The following DNASE1L1 variants were observed in gnomAD, a reference collection of about 807,000 sequenced individuals.
DNASE1L1 encodes deoxyribonuclease 1 like 1.
Under a neutral mutation model 18.6 loss-of-function variants are expected in DNASE1L1, and 8 were observed. The ratio of observed to expected loss-of-function variants is 0.43; its 90% CI spans 0.25 to 0.78. The LOEUF (loss-of-function observed/expected upper bound fraction) is 0.78, where lower values mean the gene tolerates loss of function less well. DNASE1L1 is among the 30% of genes least tolerant of loss of function. The probability of loss-of-function intolerance (pLI) is 0.23; values close to 1 mark genes in which losing one functional copy is unlikely to be tolerated. For synonymous variants in DNASE1L1, 114 were observed against 114.2 expected, an observed-to-expected ratio of 1.00 and a Z score of 0.01; for missense variants, 214 against 258.2, an observed-to-expected ratio of 0.83 and a Z score of 1.17.
chrX:154,406,508 T>C (rs2068155673), intron 1 of DNASE1L1, among the ~76,000 whole-genome samples: 2 of 107,361 alleles, frequency 1.9e-5, no homozygotes, highest in Admixed American at 2.0e-4. Context: ...TAGCTGGGAC[T>C]ACAGGCACGC....
chrX:154,410,006 C>G (rs1475739166), upstream of DNASE1L1: 1 of 112,287 alleles, frequency 8.9e-6, no homozygotes, highest in Non-Finnish European at 1.9e-5. Flanking sequence ...CTTTGGGAGG[C>G]TGAGGCGGGT....
At chrX:154,411,291 C>T (rs1041781029), upstream of DNASE1L1, among the ~76,000 whole-genome samples, 8 of 111,817 alleles carry the variant, frequency 7.2e-5, no homozygotes, top group Non-Finnish European at 1.1e-4. Flanking sequence ...TCGCTTGAGT[C>T]TGGGAGATCG....
chrX:154,405,556 T>G lies in DNASE1L1; in HGVS notation c.13A>C (p.Thr5Pro). 1 of 1,176,809 alleles carries G rather than the reference T, an allele frequency of 8.5e-7. No individual in the cohort carries two copies. The highest frequency in any genetic ancestry group is 1.1e-6 in the Non-Finnish European group (1 of 874,133). ...GCCAGGATGAGGAAGAGGAGTGCAGTTGGGTAGTGCATGGCTGTGTGTGGC... is the reference window on the plus strand; with the variant it reads ...GCCAGGATGAGGAAGAGGAGTGCAGGTGGGTAGTGCATGGCTGTGTGTGGC... MHYP[T>P]ALLFLILANG... The change falls in exon 2 of 8, where the codon ACT becomes CCT. Residue 5 changes from threonine (T) to proline (P), a missense_variant. Coordinates refer to ENST00000369807, the MANE Select transcript of DNASE1L1 (RefSeq NM_001303620.2).
rs2068187721 is a variant in DNASE1L1 at position 154,407,759 on chromosome X, C to CA, written c.-88+1352_-88+1353insT. On this transcript the variant is annotated intron_variant, in intron 1 of 7. Coordinates refer to ENST00000369807, the MANE Select transcript of DNASE1L1 (RefSeq NM_001303620.2). ...TACAGGCGTGAGCCACCGCGCCCGG[C>CA]CCCCCCCCTTTTTTTTTTTTTTTTT... 3.5e-5 allele frequency among the ~76,000 whole-genome samples: 3 copies of CA among 86,606 alleles called. No individual in the cohort carries two copies. In the East Asian group the frequency reaches 1.1e-3, roughly 31 times the overall value. The allele number at this position is 86,606 out of a possible 115,157, so 75.2% of individuals were successfully genotyped here.
intron 4 of DNASE1L1, among the ~76,000 whole-genome samples, 177 bp downstream of exon 4, chrX:154,404,651 G>C (rs782302550): frequency 1.3e-3 from 151 of 112,793 alleles, no homozygotes; most frequent in Non-Finnish European, 1.9e-3. Context: ...TGGACACTCT[G>C]GCGGGGGTCG....
chrX:154,406,799 G>A (rs1200026652), intron 1 of DNASE1L1, among the ~76,000 whole-genome samples: 3 of 106,600 alleles, frequency 2.8e-5, no homozygotes, highest in Admixed American at 1.0e-4. Context: ...AATGAGCCCT[G>A]GTGCCCCAGC....
chrX:154,402,624 C>T lies in DNASE1L1; in HGVS notation c.*83G>A. The T allele has an allele frequency of 1.0e-6, 1 of 996,711 alleles. No homozygotes were observed. Among genetic ancestry groups the T allele is most frequent in the Non-Finnish European group, 1.4e-6 (1 of 739,303 alleles). 82.1% of individuals were successfully genotyped at this position (996,711 alleles called of 1,213,427 possible). The stretch of plus-strand genomic sequence containing the variant: ...TCACAGGGCAACTATAGTTGAAGCC[C>T]CCCAGCCCCAGGGCTGGATGGACGG... On this transcript the variant is annotated 3_prime_UTR_variant, in exon 8 of 8. Coordinates refer to ENST00000369807, the MANE Select transcript of DNASE1L1 (RefSeq NM_001303620.2).
chrX:154,403,101 G>T lies in DNASE1L1; in HGVS notation c.615C>A (p.Gly205=). 1 of 1,211,900 alleles carries T rather than the reference G, an allele frequency of 8.3e-7. No individual in the cohort carries two copies. Among genetic ancestry groups the T allele is most frequent in the South Asian group, 1.8e-5 (1 of 57,013 alleles). ...LDKLELRTEP[G]FHWVIADGED... Reference sequence around the variant, plus strand: ...CCCCATCGGCAATCACCCAGTGGAAGCCTGGCTCAGTCCGCAGCTCCAGCT... The same window carrying T: ...CCCCATCGGCAATCACCCAGTGGAATCCTGGCTCAGTCCGCAGCTCCAGCT... Residue 205 remains glycine (G), a synonymous_variant, in exon 7 of 8, where the codon GGC becomes GGA. Transcript: ENST00000369807.
intron 1 of DNASE1L1, among the ~76,000 whole-genome samples, chrX:154,407,424 A>G (rs781852654): frequency 1.5e-4 from 15 of 102,087 alleles, no homozygotes; most frequent in African/African-American, 5.3e-4. Context: ...TTTTTAGTAG[A>G]GACAGGGTTT....
chrX:154,405,872 C>CA (rs2068139806), intron 1 of DNASE1L1, among the ~76,000 whole-genome samples: 1 of 108,634 alleles, frequency 9.2e-6, no homozygotes, highest in South Asian at 4.0e-4. Flanking sequence ...GACTCCGTCT[C>CA]AAAAAAAAGT....
At position 154,403,194 on chromosome X, in the gene DNASE1L1, G is replaced by C; in HGVS notation, c.526-4C>G. 1 of 1,210,648 alleles carries C rather than the reference G, an allele frequency of 8.3e-7. No homozygotes were observed. The highest frequency in any genetic ancestry group is 1.1e-6 in the Non-Finnish European group (1 of 894,560). ...AGTCCCCAAGCAGGATCACGTCCTA[G>C]AGACACAGCAGCCATCAGGCTGGCC... On this transcript the variant is annotated splice_region_variant and splice_polypyrimidine_tract_variant and intron_variant, in intron 6 of 7. Coordinates refer to ENST00000369807, the MANE Select transcript of DNASE1L1 (RefSeq NM_001303620.2).
upstream of DNASE1L1, chrX:154,411,987 G>A: frequency 8.3e-7 from 1 of 1,201,061 alleles, no homozygotes; most frequent in Middle Eastern, 2.3e-4. Context: ...GCCCGCCCGG[G>A]TACCCATGCC....
chrX:154,404,100 C>G (rs923548506), intron 4 of DNASE1L1, among the ~76,000 whole-genome samples: 8 of 108,885 alleles, frequency 7.3e-5, no homozygotes, highest in African/African-American at 1.0e-4. Context: ...TAATATTCCA[C>G]GGACTGGGTA....
In DNASE1L1 at chrX:154,401,499, ACCT is replaced by A. The variant is rs1310905682; in HGVS notation, c.*1205_*1207del. ...CTAACCTTTGGTCATTTGTAACAAG[ACCT>A]CGGAACAGACACGTGTGTGGCATGG... On this transcript the variant is annotated 3_prime_UTR_variant, in exon 8 of 8. Coordinates refer to ENST00000369807, the MANE Select transcript of DNASE1L1 (RefSeq NM_001303620.2). 1.7e-5 allele frequency: 2 copies of A among 120,746 alleles called. No individual in the cohort carries two copies. The highest frequency in any genetic ancestry group is 3.4e-5 in the Non-Finnish European group (2 of 58,080). The allele number at this position is 120,746 out of a possible 1,213,427, so 10.0% of individuals were successfully genotyped here.
In DNASE1L1 at chrX:154,402,198, A is replaced by G. The variant is rs374225000; in HGVS notation, c.*509T>C. 7.9e-6 allele frequency: 1 copy of G among 125,923 alleles called. No homozygotes were observed. Among genetic ancestry groups the G allele is most frequent in the Admixed American group, 7.9e-5 (1 of 12,660 alleles). The allele number at this position is 125,923 out of a possible 1,213,427, so 10.4% of individuals were successfully genotyped here. A position where few individuals can be genotyped will look rare whatever the true frequency, so the allele number is the denominator to read the frequency against. On this transcript the variant is annotated 3_prime_UTR_variant, in exon 8 of 8. Transcript: ENST00000369807. The stretch of plus-strand genomic sequence containing the variant: ...ATTGTTCACCGGATTATAATGAGCC[A>G]AAATGTTTCCCGGTGTTTGCTGGTT...
intron 1 of DNASE1L1, among the ~76,000 whole-genome samples, chrX:154,408,358 G>A (rs1355878212): frequency 6.2e-5 from 7 of 112,133 alleles, no homozygotes; most frequent in Non-Finnish European, 1.1e-4. Flanking sequence ...CTCCCCACTT[G>A]TGAGATGTTC....
upstream of DNASE1L1, among the ~76,000 whole-genome samples, chrX:154,410,348 T>A (rs1299459445): frequency 2.7e-5 from 3 of 109,413 alleles, no homozygotes; most frequent in Non-Finnish European, 5.7e-5. Context: ...AGGCCGGGAG[T>A]TCGAGACCAG....
chrX:154,407,995 T>C (rs1284784920), intron 1 of DNASE1L1, among the ~76,000 whole-genome samples: 3 of 108,138 alleles, frequency 2.8e-5, no homozygotes, highest in Non-Finnish European at 3.8e-5. Context: ...TGCAGTGGCT[T>C]GATCTCAGTT....
chrX:154,410,952 G>C (rs1430373731), upstream of DNASE1L1, among the ~76,000 whole-genome samples: 1 of 111,458 alleles, frequency 9.0e-6, no homozygotes, highest in Non-Finnish European at 1.9e-5. Context: ...CTTTCTTTCC[G>C]GGTCATGAAT....
Sources: gnomAD v4.1 joint callset for allele counts (sites outside exome capture counted in the v4.1 genomes callset) on GRCh38, gnomAD v4.1.1 for gene constraint, MANE v1.5 for transcripts, NCBI Gene and HGNC (gene_info 2026-07-23, HGNC 2026-07-21) for gene names.